Variants in SLC7A11 observed in about 807,000 individuals in gnomAD.
SLC7A11 encodes the protein solute carrier family 7 member 11, also known as cystine/glutamate transporter.
SLC7A11 carries 35 observed loss-of-function variants against 54.5 expected under a neutral mutation model. That is an observed-to-expected ratio of 0.64 (90% CI 0.49 to 0.85). The LOEUF is 0.85. SLC7A11 is among the 40% of genes least tolerant of loss of function. SLC7A11 has a pLI of 0.00. For synonymous variants in SLC7A11, 230 were observed against 225.2 expected (o/e 1.02, Z -0.19); for missense variants, 583 against 618.1 (o/e 0.94, Z 0.60).
At chr4:138,210,249 T>A (rs1409775941) in intron 6 of SLC7A11, among the ~76,000 whole-genome samples, 2 of 151,938 alleles carry the variant, frequency 1.3e-5, no homozygotes, top group Non-Finnish European at 2.9e-5. Flanking sequence ...CTTAACAAGA[T>A]GAATTAAATA....
Position 138,242,012 on chromosome 4 carries a change from C to T in SLC7A11, c.58G>A (p.Val20Ile), listed in dbSNP as rs1034283861. The T allele has an allele frequency of 6.2e-7, 1 of 1,614,202 alleles. No homozygotes were observed. Among genetic ancestry groups the T allele is most frequent in the Admixed American group, 1.7e-5 (1 of 60,022 alleles). Residue 20 changes from valine (V) to isoleucine (I), a missense_variant, in exon 1 of 12, where the codon GTT becomes ATT. Coordinates refer to ENST00000280612, the MANE Select transcript of SLC7A11 (RefSeq NM_014331.4). ...CCCAGGGAAGGCAGCCTCCCGTTAA[C>T]ATTTCCCTGCAGGTAACCTCCTTTG... The part of the protein sequence containing the change: ...ISKGGYLQGN[V>I]NGRLPSLGNK...
chr4:138,238,150 T>TTGGGGAGTTG (rs1465653972), intron 1 of SLC7A11, among the ~76,000 whole-genome samples: 1 of 152,124 alleles, frequency 6.6e-6, no homozygotes, highest in African/African-American at 2.4e-5. Flanking sequence ...ACGATACAAT[T>TTGGGGAGTTG]CACATAAAAT....
rs1736245731 is a variant in SLC7A11, at chr4:138,165,976, G to A, written c.*5980C>T. ...TCAGAGCAATAAGAAAGTTATTTGGGGTAGTACTTGAAATAATTCATATAC... is the reference window on the plus strand; with the variant it reads ...TCAGAGCAATAAGAAAGTTATTTGGAGTAGTACTTGAAATAATTCATATAC... On this transcript the variant is annotated 3_prime_UTR_variant, in exon 12 of 12. Transcript: ENST00000280612. 1 of 152,062 alleles carries A rather than the reference G, an allele frequency of 6.6e-6. No individual in the cohort carries two copies. The allele number at this position is 152,062 out of a possible 1,614,324, so 9.4% of individuals were successfully genotyped here.
intron 6 of SLC7A11, among the ~76,000 whole-genome samples, chr4:138,187,752 T>C (rs1198016326): frequency 6.6e-6 from 1 of 152,218 alleles, no homozygotes; most frequent in Admixed American, 6.6e-5. Flanking sequence ...ACATGAATTG[T>C]AATGTCAAGT....
intron 6 of SLC7A11, among the ~76,000 whole-genome samples, chr4:138,205,304 A>T (rs1252559292): frequency 6.6e-6 from 1 of 152,044 alleles, no homozygotes; most frequent in Non-Finnish European, 1.5e-5. Context: ...TTTTCACTGG[A>T]AAGTCTCAAC....
rs759145731 is a variant in SLC7A11 at position 138,185,218 on chromosome 4, G to A, written c.818C>T (p.Ser273Phe). 9 of 1,612,582 alleles carry A rather than the reference G, an allele frequency of 5.6e-6. No individual in the cohort carries two copies. The highest frequency in any genetic ancestry group is 7.6e-6 in the Non-Finnish European group (9 of 1,178,986). Residue 273 changes from serine to phenylalanine, a missense_variant, in exon 7 of 12, where the codon TCC becomes TTC. Coordinates refer to ENST00000280612, the MANE Select transcript of SLC7A11 (RefSeq NM_014331.4). ...EKTIPLAICISMAIVTIGYVL... is the reference protein window; with the variant it reads ...EKTIPLAICIFMAIVTIGYVL... ...ATAGCCAATGGTGACAATGGCCATG[G>A]ATATACATATTGCAAGGGGAATGGT...
At chr4:138,198,235 A>C (rs1737187901) in intron 6 of SLC7A11, among the ~76,000 whole-genome samples, 1 of 152,026 alleles carries the variant, frequency 6.6e-6, no homozygotes. Context: ...GAAATAAAAA[A>C]TGATTATTAT....
intron 6 of SLC7A11, among the ~76,000 whole-genome samples, chr4:138,207,742 C>A (rs754468649): frequency 1.3e-5 from 2 of 152,010 alleles, no homozygotes; most frequent in Non-Finnish European, 2.9e-5. Context: ...AAGCCGCATT[C>A]CCAAGTTGTC....
chr4:138,232,550 T>C (rs1302600577), intron 2 of SLC7A11, among the ~76,000 whole-genome samples, 168 bp from the exon 3 acceptor site: 9 of 152,230 alleles, frequency 5.9e-5, no homozygotes. Context: ...CCAAATGAAG[T>C]ACTTCCTGTA....
intron 3 of SLC7A11, 73 bp downstream of exon 3, chr4:138,232,194 G>T: frequency 9.6e-7 from 1 of 1,041,092 alleles, no homozygotes; most frequent in Non-Finnish European, 1.5e-6. Context: ...AATGCAAAAA[G>T]TCTAAAGACA....
chr4:138,230,721 TATTTC>T (rs1035958456), intron 3 of SLC7A11, among the ~76,000 whole-genome samples: 18 of 152,212 alleles, frequency 1.2e-4, no homozygotes, highest in Admixed American at 1.3e-4. Context: ...AAGCAAACTC[TATTTC>T]ATTTTTATCA....
chr4:138,172,780 T>C (rs185656800), intron 11 of SLC7A11, among the ~76,000 whole-genome samples: 1 of 152,306 alleles, frequency 6.6e-6, no homozygotes, highest in East Asian at 1.9e-4. Flanking sequence ...CATTTTATCT[T>C]AGCAGTTCTA....
chr4:138,224,200 A>G (rs562512715), intron 3 of SLC7A11, among the ~76,000 whole-genome samples: 1 of 152,218 alleles, frequency 6.6e-6, no homozygotes, highest in South Asian at 2.1e-4. Flanking sequence ...TAGAAAATCT[A>G]AGGCACAAGG....
At chr4:138,205,436 CTAGAA>C (rs1737383814) in intron 6 of SLC7A11, among the ~76,000 whole-genome samples, 1 of 151,978 alleles carries the variant, frequency 6.6e-6, no homozygotes, top group Non-Finnish European at 1.5e-5. Context: ...TTGAATGTGA[CTAGAA>C]TAAAGTTATC....
chr4:138,199,200 T>G (rs1737211634), intron 6 of SLC7A11, among the ~76,000 whole-genome samples: 3 of 152,116 alleles, frequency 2.0e-5, no homozygotes, highest in African/African-American at 7.2e-5. Context: ...ACGCACAAAC[T>G]GTGGGGGAAA....
intron 10 of SLC7A11, among the ~76,000 whole-genome samples, chr4:138,180,377 CA>C (rs1736706386): frequency 6.6e-6 from 1 of 152,038 alleles, no homozygotes; most frequent in Admixed American, 6.6e-5. Flanking sequence ...CATGAAAAAT[CA>C]ACATACCAAA....
rs568057269 is a variant in SLC7A11 at position 138,171,441 on chromosome 4, A to G, written c.*515T>C. ...TAAAGCATGAGTGTTTGTTATCTAA[A>G]TTGGTATCTAAGGGGAAGCAATGCA... is the stretch of plus-strand genomic sequence containing the variant. On this transcript the variant is annotated 3_prime_UTR_variant, in exon 12 of 12. Transcript: ENST00000280612. 6.5e-6 allele frequency: 1 copy of G among 153,036 alleles called. No individual in the cohort carries two copies. The highest frequency in any genetic ancestry group is 6.5e-5 in the Admixed American group (1 of 15,298). The allele number at this position is 153,036 out of a possible 1,614,324, so 9.5% of individuals were successfully genotyped here. A position where few individuals can be genotyped will look rare whatever the true frequency, so the allele number is the denominator to read the frequency against.
At position 138,179,309 on chromosome 4, in the gene SLC7A11, C is replaced by T; in HGVS notation, c.1352G>A (p.Gly451Glu). Residue 451 changes from glycine (G) to glutamate (E), a missense_variant, in exon 11 of 12, where the codon GGG becomes GAG. By Grantham distance (98) the Gly-to-Glu change is moderately conservative. Coordinates refer to ENST00000280612, the MANE Select transcript of SLC7A11 (RefSeq NM_014331.4). ...AGTCAGAGTGATGACGAAGCCAATC[C>T]CTGTACTAAATGGGTCCGAATAGAG... ...LSLYSDPFST[G>E]IGFVITLTGV... 6 of 1,612,546 alleles carry T rather than the reference C, an allele frequency of 3.7e-6. No homozygotes were observed. The highest frequency in any genetic ancestry group is 5.1e-6 in the Non-Finnish European group (6 of 1,179,138).
chr4:138,238,625 G>C (rs1424191261), intron 1 of SLC7A11, among the ~76,000 whole-genome samples: 1 of 150,600 alleles, frequency 6.6e-6, no homozygotes, highest in Non-Finnish European at 1.5e-5. Context: ...TTTGAGATAG[G>C]GTATCACTCT....
Sources: gnomAD v4.1 joint callset for allele counts (sites outside exome capture counted in the v4.1 genomes callset) on GRCh38, gnomAD v4.1.1 for gene constraint, MANE v1.5 for transcripts, NCBI Gene and HGNC (gene_info 2026-07-23, HGNC 2026-07-21) for gene names.